WWOX: variants seen among roughly 807,000 people sequenced by gnomAD.
WWOX encodes the protein WW domain-containing oxidoreductase.
Under a neutral mutation model 46.2 loss-of-function variants are expected in WWOX, and 69 were observed. The observed-to-expected ratio is 1.49, with a 90% CI of 1.23 to 1.82. WWOX has a LOEUF of 1.82. Ranked by LOEUF, WWOX falls within the 40% of genes most tolerant of loss-of-function variation. The pLI, the probability that WWOX is intolerant of heterozygous loss-of-function variation, is 0.00. For missense variants in WWOX, 919 were observed against 542.6 expected (o/e 1.69, Z -6.89); for synonymous variants, 359 against 202.6 (o/e 1.77, Z -6.56).
At chr16:78,580,613 A>G (rs1293807973) in intron 8 of WWOX, among the ~76,000 whole-genome samples, 1 of 152,204 alleles carries the variant, frequency 6.6e-6, no homozygotes, top group Admixed American at 6.5e-5. Context: ...TACCTTTACA[A>G]TCCAACAACT....
At chr16:78,371,154 T>G (rs1209717875) in intron 5 of WWOX, among the ~76,000 whole-genome samples, 2 of 152,178 alleles carry the variant, frequency 1.3e-5, no homozygotes, top group South Asian at 2.1e-4. Context: ...ATGAGTTAAG[T>G]TGATACGCAC....
rs368634287 is a variant in WWOX at position 78,816,747 on chromosome 16, G to C, written c.1056+383995G>C. ...ATGAGCAATTGCTGTGAAGAAACTG[G>C]GGTTGGCTCTGATTTTGTGGCTCAG... On this transcript the variant is annotated intron_variant, in intron 8 of 8. Coordinates refer to ENST00000566780, the MANE Select transcript of WWOX (RefSeq NM_016373.4). 7.9e-5 allele frequency among the ~76,000 whole-genome samples: 12 copies of C among 152,084 alleles called. No individual in the cohort carries two copies. In the South Asian group the frequency reaches 2.1e-3, roughly 26 times the overall value.
intron 5 of WWOX, among the ~76,000 whole-genome samples, chr16:78,283,476 G>T (rs2079715916): frequency 6.6e-6 from 1 of 152,174 alleles, no homozygotes; most frequent in South Asian, 2.1e-4. Flanking sequence ...TCAGGATGCT[G>T]TGCTAATGTC....
intron 5 of WWOX, chr16:78,266,129 G>C (rs1010877826): frequency 2.0e-5 from 3 of 152,196 alleles, no homozygotes; most frequent in African/African-American, 7.2e-5. Flanking sequence ...TTGAAGGTCA[G>C]ATGTGGCCTG....
Position 78,303,629 on chromosome 16 carries a change from C to G in WWOX, c.517-83231C>G, listed in dbSNP as rs907070571. Among the ~76,000 whole-genome samples, 5 of 152,180 alleles carry G rather than the reference C, an allele frequency of 3.3e-5. No homozygotes were observed. In the East Asian group the frequency reaches 7.7e-4, roughly 23 times the overall value. ...GCACAATCTCGGCTCACTGCAACCT[C>G]CACCTCCCGGTTTCAAGCGATTCTC... On this transcript the variant is annotated intron_variant, in intron 5 of 8. Coordinates refer to ENST00000566780, the MANE Select transcript of WWOX (RefSeq NM_016373.4).
chr16:78,951,748 T>TGA (rs965319943), intron 8 of WWOX, among the ~76,000 whole-genome samples: 19 of 151,722 alleles, frequency 1.3e-4, no homozygotes, highest in Middle Eastern at 3.4e-3. Context: ...ATGGAAGGGG[T>TGA]GAGAGAGAGC....
At chr16:78,648,008 A>G (rs1567462138) in intron 8 of WWOX, among the ~76,000 whole-genome samples, 2 of 152,128 alleles carry the variant, frequency 1.3e-5, no homozygotes, top group Non-Finnish European at 2.9e-5. Flanking sequence ...TCCATTATTC[A>G]TTTGGCTTCT....
intron 8 of WWOX, among the ~76,000 whole-genome samples, chr16:78,750,791 A>G (rs1290529803): frequency 1.3e-5 from 2 of 152,146 alleles, no homozygotes; most frequent in Non-Finnish European, 2.9e-5. Flanking sequence ...AATGGCTTCA[A>G]GCTGTATCCA....
At chr16:78,141,452 A>G (rs1316693009) in intron 4 of WWOX, among the ~76,000 whole-genome samples, 2 of 87,756 alleles carry the variant, frequency 2.3e-5, no homozygotes, top group East Asian at 7.9e-4. Flanking sequence ...TTTTTTTTGC[A>G]TCCTGTACTC....
At chr16:78,858,336 G>T (rs1308848074) in intron 8 of WWOX, among the ~76,000 whole-genome samples, 9 of 151,680 alleles carry the variant, frequency 5.9e-5, no homozygotes, top group Admixed American at 5.3e-4. Flanking sequence ...ATATATGTGT[G>T]TGTGTGTGTG....
At chr16:78,398,851 T>TA (rs1567549041) in intron 6 of WWOX, among the ~76,000 whole-genome samples, 1 of 152,248 alleles carries the variant, frequency 6.6e-6, no homozygotes, top group African/African-American at 2.4e-5. Context: ...TGATACTTAA[T>TA]AAAAAAGTGA....
intron 8 of WWOX, among the ~76,000 whole-genome samples, chr16:78,823,637 G>A (rs902050368): frequency 6.6e-6 from 1 of 152,182 alleles, no homozygotes; most frequent in Non-Finnish European, 1.5e-5. Flanking sequence ...ACTGGTGTCA[G>A]GGAGTTTATA....
intron 8 of WWOX, among the ~76,000 whole-genome samples, chr16:78,644,489 T>G (rs1177013655): frequency 6.6e-6 from 1 of 151,990 alleles, no homozygotes; most frequent in Non-Finnish European, 1.5e-5. Context: ...GAGACAGAGT[T>G]TTGCTCTTAT....
At chr16:78,993,218 G>C (rs1340571881) in intron 8 of WWOX, among the ~76,000 whole-genome samples, 2 of 150,556 alleles carry the variant, frequency 1.3e-5, no homozygotes, top group Non-Finnish European at 3.0e-5. Flanking sequence ...AAATCAGTTT[G>C]TTTGCAGTAA....
chr16:79,130,027 G>A (rs1370760457), intron 8 of WWOX, among the ~76,000 whole-genome samples: 1 of 152,208 alleles, frequency 6.6e-6, no homozygotes, highest in African/African-American at 2.4e-5. Context: ...CTTACTCCTT[G>A]TTAGCAGTTT....
chr16:78,341,098 G>A (rs1474158622), intron 5 of WWOX, among the ~76,000 whole-genome samples: 1 of 106,736 alleles, frequency 9.4e-6, no homozygotes, highest in Non-Finnish European at 2.2e-5. Flanking sequence ...CTGTCCCCAT[G>A]GCTAGCTTAA....
intron 8 of WWOX, among the ~76,000 whole-genome samples, chr16:79,017,797 A>C (rs143178366): frequency 6.6e-6 from 1 of 152,148 alleles, no homozygotes; most frequent in Non-Finnish European, 1.5e-5. Context: ...CATTATTTGC[A>C]TAACAAATTA....
chr16:78,710,836 C>G (rs768172499), intron 8 of WWOX, among the ~76,000 whole-genome samples: 1 of 151,848 alleles, frequency 6.6e-6, no homozygotes, highest in Non-Finnish European at 1.5e-5. Flanking sequence ...AGGCTGATCT[C>G]AAACTCCTGA....
At chr16:79,022,495 G>C (rs1357443637) in intron 8 of WWOX, among the ~76,000 whole-genome samples, 3 of 151,974 alleles carry the variant, frequency 2.0e-5, no homozygotes, top group Non-Finnish European at 4.4e-5. Context: ...CGGAGGAGCT[G>C]AGTCCCATTA....
Sources: gnomAD v4.1 joint callset for allele counts (sites outside exome capture counted in the v4.1 genomes callset) on GRCh38, gnomAD v4.1.1 for gene constraint, MANE v1.5 for transcripts, NCBI Gene and HGNC (gene_info 2026-07-23, HGNC 2026-07-21) for gene names.